LRP5: variants seen among roughly 807,000 people sequenced by gnomAD.
LRP5 encodes low-density lipoprotein receptor-related protein 5.
LRP5 carries 62 observed loss-of-function variants against 154.1 expected under a neutral mutation model. The ratio of observed to expected loss-of-function variants is 0.40; its 90% CI spans 0.33 to 0.50. The LOEUF is 0.50. Among genes scored for constraint, LRP5 ranks in the 20% least tolerant of loss-of-function variants. The probability of loss-of-function intolerance (pLI) is 0.55; values close to 1 mark genes in which losing one functional copy is unlikely to be tolerated. For synonymous variants in LRP5, 966 were observed against 1,011.5 expected, an observed-to-expected ratio of 0.96 and a Z score of 0.85; for missense variants, 1,915 against 2,336.7, an observed-to-expected ratio of 0.82 and a Z score of 3.72.
chr11:68,351,711 C>G (rs1394717819), intron 2 of LRP5, among the ~76,000 whole-genome samples: 2 of 152,182 alleles, frequency 1.3e-5, no homozygotes, highest in Admixed American at 6.5e-5. Context: ...AGTCTCTGGC[C>G]CTTTCAGTGA....
chr11:68,386,456 T>C lies in LRP5; in HGVS notation c.1156T>C (p.Tyr386His). 1 of 1,614,080 alleles carries C rather than the reference T, an allele frequency of 6.2e-7. No individual in the cohort carries two copies. The highest frequency in any genetic ancestry group is 8.5e-7 in the Non-Finnish European group (1 of 1,180,018). Reference sequence around the variant, plus strand: ...CATCGACTACGACCCGCTAGAGGGCTATGTCTACTGGACAGATGACGAGGT... The same window carrying C: ...CATCGACTACGACCCGCTAGAGGGCCATGTCTACTGGACAGATGACGAGGT... ...IAIDYDPLEG[Y>H]VYWTDDEVRA... The change falls in exon 6 of 23, where the codon TAT (tyrosine) becomes CAT (histidine). Residue 386 changes from tyrosine (Y) to histidine (H), a missense_variant. Physicochemically the swap from Tyr to His is moderately conservative, Grantham distance 83. Transcript: ENST00000294304. This position sits in a 1 kb window ranked among gnomAD's most constrained non-coding sequence, Gnocchi z 7.9.
At chr11:68,388,637 C>A (rs2098644341) in intron 6 of LRP5, among the ~76,000 whole-genome samples, 2 of 152,180 alleles carry the variant, frequency 1.3e-5, no homozygotes. Context: ...AGCCCTTCAG[C>A]TATGTGCAGA....
intron 1 of LRP5, among the ~76,000 whole-genome samples, chr11:68,336,437 C>T (rs1437877720): frequency 1.3e-5 from 2 of 152,164 alleles, no homozygotes; most frequent in African/African-American, 4.8e-5. Flanking sequence ...CATAATATTA[C>T]TATACCATAT....
At chr11:68,401,988 C>T (rs1218027707) in intron 7 of LRP5, among the ~76,000 whole-genome samples, 1 of 152,198 alleles carries the variant, frequency 6.6e-6, no homozygotes, top group Non-Finnish European at 1.5e-5. Context: ...TCACACTGTG[C>T]CTGGCCCTAG....
intron 13 of LRP5, among the ~76,000 whole-genome samples, chr11:68,422,650 G>A (rs2098666458): frequency 6.6e-6 from 1 of 152,144 alleles, no homozygotes; most frequent in Admixed American, 6.5e-5. Flanking sequence ...CAGAGAGTGT[G>A]GAGACGGAGA....
At position 68,331,030 on chromosome 11, in the gene LRP5, TTC is replaced by T. The variant is rs759529962; in HGVS notation, c.92-16815_92-16814del. Among the ~76,000 whole-genome samples the T allele has an allele frequency of 8.9e-4, 135 of 152,340 alleles. 1 individual carries two copies. The highest frequency in any genetic ancestry group is 1.5e-4 in the Non-Finnish European group (10 of 68,030). On this transcript the variant is annotated intron_variant, in intron 1 of 22. Coordinates refer to ENST00000294304, the MANE Select transcript of LRP5 (RefSeq NM_002335.4). ...TTTCCTGAGTGGAAATGAAAAAATG[TTC>T]TGTGATCAGGCGCAGTTGGGAAATC...
chr11:68,425,882 C>T, intron 15 of LRP5, 96 bp from the exon 16 acceptor site: 1 of 1,100,180 alleles, frequency 9.1e-7, no homozygotes, highest in South Asian at 1.3e-5. Context: ...CCCCCAGGCT[C>T]CCTGGCAGTC....
chr11:68,434,468 C>T (rs1467680651), intron 18 of LRP5, among the ~76,000 whole-genome samples: 2 of 152,080 alleles, frequency 1.3e-5, no homozygotes, highest in Non-Finnish European at 2.9e-5. Context: ...CAACCTCTGC[C>T]TCCAGGGTTC....
chr11:68,315,368 C>T (rs1435949604), intron 1 of LRP5, among the ~76,000 whole-genome samples: 1 of 152,226 alleles, frequency 6.6e-6, no homozygotes, highest in African/African-American at 2.4e-5. Context: ...GACATCCAGT[C>T]CACTGACAAA....
chr11:68,437,649 T>C (rs137864217), intron 19 of LRP5, among the ~76,000 whole-genome samples: 3,283 of 152,346 alleles, frequency 0.022, 53 homozygotes, highest in Non-Finnish European at 0.036. Context: ...TCCTCTCTTA[T>C]GGCTGCAGTC....
chr11:68,367,931 G>A (rs2098631974), intron 5 of LRP5, among the ~76,000 whole-genome samples: 1 of 152,132 alleles, frequency 6.6e-6, no homozygotes, highest in African/African-American at 2.4e-5. Context: ...GGGCAGTAGT[G>A]GCACGGGCCT....
At chr11:68,320,218 G>A (rs2098595980) in intron 1 of LRP5, among the ~76,000 whole-genome samples, 1 of 152,162 alleles carries the variant, frequency 6.6e-6, no homozygotes, top group South Asian at 2.1e-4. Context: ...GGCTGTAGCA[G>A]TTCATACCTG....
At position 68,415,602 on chromosome 11, in the gene LRP5, G is replaced by A. The variant is rs572469261; in HGVS notation, c.2828-726G>A. Among the ~76,000 whole-genome samples, 18 of 137,124 alleles carry A rather than the reference G, an allele frequency of 1.3e-4. 1 individual carries two copies. The South Asian group carries it at 4.4e-3, about 33-fold the overall frequency. The allele number at this position is 137,124 out of a possible 152,430, so 90.0% of individuals were successfully genotyped here. ...CTCTACTAAAAATACAAAATTAGCC[G>A]GGCATGGTGGGGCATGCCTATAATC... On this transcript the variant is annotated intron_variant, in intron 12 of 22. Transcript: ENST00000294304.
intron 1 of LRP5, among the ~76,000 whole-genome samples, chr11:68,344,808 T>TCC (rs1054932794): frequency 6.6e-6 from 1 of 151,256 alleles, no homozygotes; most frequent in African/African-American, 2.4e-5. Context: ...CATAACATTC[T>TCC]TAAGTTTCAT....
rs367555198 is a variant in LRP5 at position 68,436,956 on chromosome 11, C to T, written c.4068C>T (p.Asp1356=). The T allele has an allele frequency of 4.8e-5, 78 of 1,613,936 alleles. No individual in the cohort carries two copies. Among genetic ancestry groups the T allele is most frequent in the Non-Finnish European group, 6.2e-5 (73 of 1,179,982 alleles). The stretch of plus-strand genomic sequence containing the variant: ...GTGTCCTCATCAAACAGCAGTGCGA[C>T]TCCTTCCCCGACTGTATCGACGGCT... ...GQCVLIKQQC[D]SFPDCIDGSD... The change falls in exon 19 of 23, where the codon GAC becomes GAT. Residue 1356 remains aspartate (D), a synonymous_variant. Coordinates refer to ENST00000294304, the MANE Select transcript of LRP5 (RefSeq NM_002335.4).
chr11:68,425,952 CA>C (rs964648605), intron 15 of LRP5, 25 bp from the exon 16 acceptor site: 12 of 1,601,268 alleles, frequency 7.5e-6, no homozygotes, highest in Non-Finnish European at 1.0e-5. Flanking sequence ...CAGCACTGCT[CA>C]GGGGGGCCCA....
the LRP5 span, among the ~76,000 whole-genome samples, chr11:68,303,014 T>G: frequency 7.2e-5 from 11 of 152,094 alleles, no homozygotes; most frequent in Non-Finnish European, 1.5e-4. Flanking sequence ...TGTTCCTCCT[T>G]GAGGAGCGGA....
chr11:68,446,832 G>A (rs922275272), intron 22 of LRP5: 2 of 413,600 alleles, frequency 4.8e-6, no homozygotes, highest in Admixed American at 3.5e-5. Context: ...TCGAGGGGCC[G>A]GGGGCTTGGG....
rs751601938 is a variant in LRP5, at chr11:68,436,966, G to A, written c.4078G>A (p.Asp1360Asn). 6.8e-6 allele frequency: 11 copies of A among 1,613,812 alleles called. No homozygotes were observed. The highest frequency in any genetic ancestry group is 2.2e-5 in the East Asian group (1 of 44,886). Residue 1360 changes from aspartate (D) to asparagine (N), a missense_variant, in exon 19 of 23, where the codon GAC becomes AAC. Asp to Asn is a conservative substitution (Grantham distance 23). Transcript: ENST00000294304. ...CAAACAGCAGTGCGACTCCTTCCCC[G>A]ACTGTATCGACGGCTCCGACGAGCT... Reference protein sequence around the residue: ...LIKQQCDSFPDCIDGSDELMC... With the variant: ...LIKQQCDSFPNCIDGSDELMC...
Sources: allele counts gnomAD v4.1 joint callset (sites outside exome capture counted in the v4.1 genomes callset), GRCh38; gene constraint gnomAD v4.1.1; non-coding constraint Gnocchi (gnomAD v3.1); transcripts MANE v1.5; gene names NCBI Gene and HGNC (gene_info 2026-07-23, HGNC 2026-07-21).